GRID2: variants seen among roughly 807,000 people sequenced by gnomAD.
GRID2 encodes glutamate ionotropic receptor delta type subunit 2.
GRID2 carries 33 observed loss-of-function variants against 114.8 expected under a neutral mutation model. The ratio of observed to expected loss-of-function variants is 0.29; its 90% CI spans 0.22 to 0.38. The LOEUF (loss-of-function observed/expected upper bound fraction) is 0.38, where lower values mean the gene tolerates loss of function less well. GRID2 is among the 10% of genes least tolerant of loss of function. GRID2 has a pLI of 1.00. For synonymous variants in GRID2, 505 were observed against 449.9 expected (o/e 1.12, Z -1.55); for missense variants, 1,184 against 1,257.7 (o/e 0.94, Z 0.89).
At chr4:92,869,651 C>T (rs1745132650) in intron 2 of GRID2, among the ~76,000 whole-genome samples, 1 of 152,136 alleles carries the variant, frequency 6.6e-6, no homozygotes. Flanking sequence ...AAACTATTGA[C>T]TTTCTTTTGC....
chr4:93,520,374 A>G (rs1028798392), intron 13 of GRID2, among the ~76,000 whole-genome samples: 2 of 152,144 alleles, frequency 1.3e-5, no homozygotes, highest in East Asian at 3.9e-4. Flanking sequence ...GGATGTTGCC[A>G]TCCCACATTG....
rs141099196 is a variant in GRID2 at position 92,449,504 on chromosome 4, T to C, written c.89-140627T>C. Among the ~76,000 whole-genome samples the C allele has an allele frequency of 4.4e-3, 662 of 151,686 alleles. 3 individuals carry two copies. Among genetic ancestry groups the C allele is most frequent in the Middle Eastern group, 0.017 (5 of 294 alleles). ...ATACATTTGCCTTTCTCCTCTAAAA[T>C]ATGTCTTTTTGGAAAATAGGAACTT... On this transcript the variant is annotated intron_variant, in intron 1 of 15. Coordinates refer to ENST00000282020, the MANE Select transcript of GRID2 (RefSeq NM_001510.4).
At chr4:92,739,555 A>T (rs1256146975) in intron 2 of GRID2, among the ~76,000 whole-genome samples, 1 of 152,118 alleles carries the variant, frequency 6.6e-6, no homozygotes, top group Non-Finnish European at 1.5e-5. Context: ...TTTGATTCTC[A>T]AACCAGTCCG....
At chr4:92,607,297 T>A (rs1228585780) in intron 2 of GRID2, among the ~76,000 whole-genome samples, 1 of 152,030 alleles carries the variant, frequency 6.6e-6, no homozygotes, top group Non-Finnish European at 1.5e-5. Context: ...AGTTATATAT[T>A]TAAAATGTCT....
At chr4:93,725,902 G>A (rs1350120222) in intron 14 of GRID2, among the ~76,000 whole-genome samples, 1 of 152,094 alleles carries the variant, frequency 6.6e-6, no homozygotes, top group East Asian at 1.9e-4. Flanking sequence ...CAGATGATTA[G>A]GTTGCAAAAA....
intron 2 of GRID2, among the ~76,000 whole-genome samples, chr4:93,064,043 C>A (rs932887771): frequency 1.7e-5 from 2 of 115,080 alleles, no homozygotes; most frequent in South Asian, 5.3e-4. Context: ...TAACATATTA[C>A]GCTGTTAATG....
intron 14 of GRID2, among the ~76,000 whole-genome samples, chr4:93,697,982 T>G (rs1298414940): frequency 2.6e-5 from 4 of 151,200 alleles, no homozygotes; most frequent in Admixed American, 1.3e-4. Flanking sequence ...ATTACTGGAT[T>G]CTGCTTATAT....
chr4:92,506,436 G>A (rs62310679), intron 1 of GRID2, among the ~76,000 whole-genome samples: 32,571 of 151,760 alleles, frequency 0.21, 4,223 homozygotes, highest in Non-Finnish European at 0.29. Flanking sequence ...TGTGAAAGAG[G>A]GAAGCTGTTT....
At chr4:93,605,189 T>C (rs1279517153) in intron 13 of GRID2, among the ~76,000 whole-genome samples, 1 of 151,780 alleles carries the variant, frequency 6.6e-6, no homozygotes, top group Non-Finnish European at 1.5e-5. Flanking sequence ...GATAACCCAC[T>C]AGCCCCATGT....
intron 8 of GRID2, among the ~76,000 whole-genome samples, chr4:93,390,620 T>A (rs937298751): frequency 2.6e-5 from 4 of 152,126 alleles, no homozygotes. Context: ...TGGTATGCTA[T>A]ATTGCCTCTA....
chr4:93,107,093 A>T (rs545967157), intron 3 of GRID2, among the ~76,000 whole-genome samples: 16 of 152,174 alleles, frequency 1.1e-4, no homozygotes, highest in Non-Finnish European at 2.1e-4. Context: ...TGAGCTCAGC[A>T]GTTCAAATCA....
intron 1 of GRID2, among the ~76,000 whole-genome samples, chr4:92,515,497 C>T (rs1724456599): frequency 6.6e-6 from 1 of 151,842 alleles, no homozygotes; most frequent in South Asian, 2.1e-4. Flanking sequence ...GATTTCAGCT[C>T]AGAAGAATCT....
At chr4:93,147,235 G>A (rs62308222) in intron 4 of GRID2, among the ~76,000 whole-genome samples, 11,429 of 152,164 alleles carry the variant, frequency 0.075, 472 homozygotes, top group East Asian at 0.18. Flanking sequence ...CAGTGCAGCA[G>A]AGAGAATCAA....
At chr4:93,153,192 A>G (rs1239098129) in intron 4 of GRID2, among the ~76,000 whole-genome samples, 1 of 152,150 alleles carries the variant, frequency 6.6e-6, no homozygotes, top group Non-Finnish European at 1.5e-5. Context: ...ATTTCACATA[A>G]GATGATACAC....
At chr4:93,170,808 A>C (rs1738735939) in intron 4 of GRID2, among the ~76,000 whole-genome samples, 1 of 152,080 alleles carries the variant, frequency 6.6e-6, no homozygotes, top group Non-Finnish European at 1.5e-5. Flanking sequence ...TAAAATGTAA[A>C]ATGACCAAAT....
chr4:93,124,151 T>C (rs1208971883), intron 4 of GRID2, among the ~76,000 whole-genome samples: 2 of 151,078 alleles, frequency 1.3e-5, no homozygotes, highest in African/African-American at 4.9e-5. Flanking sequence ...AAATGGGAAT[T>C]TGGCAGTGTT....
At chr4:92,727,367 T>C (rs1393036138) in intron 2 of GRID2, among the ~76,000 whole-genome samples, 1 of 152,064 alleles carries the variant, frequency 6.6e-6, no homozygotes, top group African/African-American at 2.4e-5. Flanking sequence ...ACCAAAAGAA[T>C]TCTCTAGGAA....
At position 93,111,043 on chromosome 4, in the gene GRID2, G is replaced by A. The variant is rs1732717924; in HGVS notation, c.735+90G>A. On this transcript the variant is annotated intron_variant, in intron 4 of 15. Transcript: ENST00000282020. ...ACAGAGGAGATGAAAATTAAGAGCA[G>A]TGCGAGGGAATTAACTACACAATTC... 30 of 802,410 alleles carry A rather than the reference G, an allele frequency of 3.7e-5. 1 individual carries two copies. In the South Asian group the frequency reaches 3.9e-4, roughly 10 times the overall value. The allele number at this position is 802,410 out of a possible 1,614,324, so 49.7% of individuals were successfully genotyped here.
intron 2 of GRID2, among the ~76,000 whole-genome samples, chr4:92,980,558 G>T (rs558705324): frequency 6.6e-6 from 1 of 152,066 alleles, no homozygotes; most frequent in East Asian, 1.9e-4. Flanking sequence ...TATATTTGTT[G>T]TTATGTAGTA....
Sources: gnomAD v4.1 joint callset for allele counts (sites outside exome capture counted in the v4.1 genomes callset) on GRCh38, gnomAD v4.1.1 for gene constraint, MANE v1.5 for transcripts, NCBI Gene and HGNC (gene_info 2026-07-23, HGNC 2026-07-21) for gene names.